Variants in LOC400499 observed in about 807,000 individuals in gnomAD.
the LOC400499 span, among the ~76,000 whole-genome samples, chr16:11,377,666 G>C: frequency 6.6e-6 from 1 of 152,154 alleles, no homozygotes; most frequent in African/African-American, 2.4e-5. Flanking sequence ...ACTTGATCAT[G>C]GTGTGTAATC....
chr16:11,477,960 C>T, the LOC400499 span: 2 of 398,980 alleles, frequency 5.0e-6, no homozygotes, highest in Admixed American at 4.4e-5. Flanking sequence ...AAGACCAGTT[C>T]CTGTGCGGCC....
At chr16:11,495,117 A>C in the LOC400499 span, among the ~76,000 whole-genome samples, 2 of 152,026 alleles carry the variant, frequency 1.3e-5, no homozygotes, top group Non-Finnish European at 2.9e-5. Context: ...GCTAAGGCAC[A>C]AGAATCCCTT....
chr16:11,464,826 G>T, the LOC400499 span, among the ~76,000 whole-genome samples: 1 of 152,186 alleles, frequency 6.6e-6, no homozygotes, highest in African/African-American at 2.4e-5. Flanking sequence ...AGATCCACGG[G>T]GAGGTAGAGG....
the LOC400499 span, chr16:11,473,309 C>T: frequency 6.7e-6 from 1 of 149,054 alleles, no homozygotes; most frequent in African/African-American, 2.5e-5. Context: ...ATTTGTATAT[C>T]TTCATTAAAT....
chr16:11,452,193 G>GT, the LOC400499 span, among the ~76,000 whole-genome samples: 2 of 116,184 alleles, frequency 1.7e-5, no homozygotes, highest in African/African-American at 3.1e-5. Flanking sequence ...TGGTTGCTCA[G>GT]TTTTTTTGTT....
At chr16:11,487,960 T>C in the LOC400499 span, among the ~76,000 whole-genome samples, 60 of 151,890 alleles carry the variant, frequency 4.0e-4, no homozygotes, top group African/African-American at 1.4e-3. Context: ...CTAATAAAAA[T>C]ACAAAAATTA....
At chr16:11,458,586 G>A in the LOC400499 span, among the ~76,000 whole-genome samples, 2 of 152,018 alleles carry the variant, frequency 1.3e-5, no homozygotes, top group African/African-American at 4.8e-5. Context: ...ACAGAAAGTA[G>A]AATGGTGCTT....
the LOC400499 span, among the ~76,000 whole-genome samples, chr16:11,501,224 C>T: frequency 0.58 from 88,270 of 151,292 alleles, 26,239 homozygotes; most frequent in Admixed American, 0.7. Flanking sequence ...CAAGTCCGTA[C>T]CCAGTGCTCT....
the LOC400499 span, chr16:11,522,050 T>C: frequency 7.5e-6 from 3 of 398,972 alleles, no homozygotes; most frequent in Non-Finnish European, 1.3e-5. Context: ...AGGCTGGTGC[T>C]GGTGTTGGTG....
At chr16:11,444,015 T>C in the LOC400499 span, among the ~76,000 whole-genome samples, 1 of 152,108 alleles carries the variant, frequency 6.6e-6, no homozygotes, top group Non-Finnish European at 1.5e-5. Flanking sequence ...TTATAGTTTT[T>C]TTTTTAGTAG....
At chr16:11,460,907 A>T in the LOC400499 span, 2 of 1,468,506 alleles carry the variant, frequency 1.4e-6, no homozygotes, top group Non-Finnish European at 9.0e-7. Flanking sequence ...AGCCCTAGGA[A>T]ACAGGGCAGG....
the LOC400499 span, among the ~76,000 whole-genome samples, chr16:11,526,172 G>T: frequency 4.6e-5 from 7 of 152,150 alleles, no homozygotes; most frequent in African/African-American, 9.7e-5. Context: ...AATCTGGCCC[G>T]CGCTCTCCAG....
the LOC400499 span, among the ~76,000 whole-genome samples, chr16:11,433,074 C>T: frequency 1.3e-5 from 2 of 152,166 alleles, no homozygotes; most frequent in African/African-American, 4.8e-5. Flanking sequence ...TATTGGAGCA[C>T]AATCATGCCC....
the LOC400499 span, among the ~76,000 whole-genome samples, chr16:11,404,553 G>T: frequency 0.014 from 2,162 of 152,240 alleles, 42 homozygotes; most frequent in African/African-American, 0.05. Flanking sequence ...CACCATGTTG[G>T]CCAGGCTGGT....
the LOC400499 span, among the ~76,000 whole-genome samples, chr16:11,426,329 G>A: frequency 6.6e-6 from 1 of 152,224 alleles, no homozygotes; most frequent in Non-Finnish European, 1.5e-5. Context: ...CCAGCTACTT[G>A]GGAGGCTAAA....
chr16:11,396,468 G>A, the LOC400499 span: 1 of 1,231,470 alleles, frequency 8.1e-7, no homozygotes, highest in Admixed American at 4.2e-5. Context: ...GGGATGCCGG[G>A]ATATCTTTCC....
chr16:11,416,377 C>G, the LOC400499 span, among the ~76,000 whole-genome samples: 16 of 152,088 alleles, frequency 1.1e-4, no homozygotes, highest in Admixed American at 1.0e-3. Context: ...GCTCTGGGTT[C>G]AATCCTCACT....
the LOC400499 span, among the ~76,000 whole-genome samples, chr16:11,495,585 G>T: frequency 1.3e-5 from 2 of 152,084 alleles, no homozygotes; most frequent in African/African-American, 4.8e-5. Context: ...TCACCATGTT[G>T]GCCAGGCTGG....
chr16:11,494,631 G>C, the LOC400499 span: 18 of 399,172 alleles, frequency 4.5e-5, no homozygotes, highest in Non-Finnish European at 4.9e-5. Flanking sequence ...GCGTCTCCCA[G>C]GATCCTCACT....
Sources: allele counts gnomAD v4.1 joint callset (sites outside exome capture counted in the v4.1 genomes callset), GRCh38; gene constraint gnomAD v4.1.1; transcripts MANE v1.5.